HNRNPAB: variants seen among roughly 807,000 people sequenced by gnomAD.
HNRNPAB encodes ABBP-1.
Under a neutral mutation model 44.1 loss-of-function variants are expected in HNRNPAB, and 17 were observed. The ratio of observed to expected loss-of-function variants is 0.39; its 90% confidence interval spans 0.26 to 0.58. The LOEUF is 0.58. Among genes scored for constraint, HNRNPAB ranks in the 20% least tolerant of loss-of-function variants. The pLI is 0.63. For synonymous variants in HNRNPAB, 183 were observed against 167.6 expected (o/e 1.09, Z -0.71); for missense variants, 393 against 432.7 (o/e 0.91, Z 0.81).
chr5:178,204,933 T>C lies in HNRNPAB; in HGVS notation c.96T>C (p.Ala32=). ...AVPEGESPAG[A]GTGAAAGAGG... ...CCGAAGGCGAGTCGCCGGCCGGGGC[T>C]GGCACGGGCGCCGCGGCGGGGGCTG... Residue 32 remains alanine, a synonymous_variant, in exon 2 of 8, where the codon GCT becomes GCC. Coordinates refer to ENST00000358344, the MANE Select transcript of HNRNPAB (RefSeq NM_031266.3). 1 of 1,209,196 alleles carries C rather than the reference T, an allele frequency of 8.3e-7. No individual in the cohort carries two copies. The allele number at this position is 1,209,196 out of a possible 1,614,324, so 74.9% of individuals were successfully genotyped here.
intron 6 of HNRNPAB, 62 bp downstream of exon 6, chr5:178,209,509 T>A: frequency 7.1e-7 from 1 of 1,406,834 alleles, no homozygotes; most frequent in Non-Finnish European, 1.0e-6. Context: ...CTTCCAAGCC[T>A]GTCTTGGGGC....
chr5:178,210,394 C>G lies in HNRNPAB; in HGVS notation c.928+122C>G, dbSNP rs953624718. 1.2e-5 allele frequency: 19 copies of G among 1,565,720 alleles called. No individual in the cohort carries two copies. In the African/African-American group the frequency reaches 2.5e-4, roughly 20 times the overall value. On this transcript the variant is annotated intron_variant, in intron 7 of 7. Transcript: ENST00000358344. ...GACAGGCCTGGCTCAGCCATGGGAG[C>G]TACTTGATTTTGAGCCTTAGACTTC...
chr5:178,206,607 TG>T, intron 3 of HNRNPAB, 124 bp from the exon 4 acceptor site: 1 of 944,030 alleles, frequency 1.1e-6, no homozygotes. Context: ...GAGGTTAAGC[TG>T]GGGTAGAATT....
At chr5:178,210,085 C>T (rs778334843) in intron 6 of HNRNPAB, 47 bp from the exon 7 acceptor site, 59 of 1,604,500 alleles carry the variant, frequency 3.7e-5, no homozygotes, top group Middle Eastern at 1.7e-4. Context: ...CTAGCTCCTG[C>T]GTATGCTAAA....
In HNRNPAB at chr5:178,210,623, A is replaced by AG; in HGVS notation, c.*2dup. ...ATCAGAATAACTACAAGCCATACTG[A>AG]GGCGGCAGCAGGAGCGACCAACTGA... On this transcript the variant is annotated 3_prime_UTR_variant, in exon 8 of 8. Transcript: ENST00000358344. 2 of 1,613,124 alleles carry AG rather than the reference A, an allele frequency of 1.2e-6. No individual in the cohort carries two copies. The highest frequency in any genetic ancestry group is 1.7e-6 in the Non-Finnish European group (2 of 1,179,104).
At chr5:178,207,540 A>G (rs370285790) in intron 5 of HNRNPAB, among the ~76,000 whole-genome samples, 1 of 152,142 alleles carries the variant, frequency 6.6e-6, no homozygotes, top group East Asian at 1.9e-4. Flanking sequence ...TCTTGAGTCC[A>G]GGGGTATGAA....
At position 178,206,127 on chromosome 5, in the gene HNRNPAB, C is replaced by T. The variant is rs1757046765; in HGVS notation, c.378+117C>T. ...CTGCATGTGATTTAAGTGCTTTGGG[C>T]AAAACCCAAAGCCGGAGGTTATGTT... On this transcript the variant is annotated intron_variant, in intron 3 of 7. Coordinates refer to ENST00000358344, the MANE Select transcript of HNRNPAB (RefSeq NM_031266.3). 1.1e-4 allele frequency: 103 copies of T among 937,340 alleles called. 1 individual carries two copies. In the South Asian group the frequency reaches 1.7e-3, roughly 15 times the overall value. The allele number at this position is 937,340 out of a possible 1,614,324, so 58.1% of individuals were successfully genotyped here.
chr5:178,206,246 T>C (rs1757052506), intron 3 of HNRNPAB, among the ~76,000 whole-genome samples: 3 of 152,182 alleles, frequency 2.0e-5, no homozygotes, highest in African/African-American at 7.2e-5. Context: ...TTCATTACCT[T>C]TTATGTGCCT....
chr5:178,205,205 G>A (rs929427170), intron 2 of HNRNPAB, among the ~76,000 whole-genome samples, 159 bp downstream of exon 2: 4 of 150,734 alleles, frequency 2.7e-5, no homozygotes, highest in African/African-American at 9.7e-5. Context: ...GCCTGGCGCT[G>A]CCACTCGCGC....
intron 2 of HNRNPAB, 27 bp downstream of exon 2, chr5:178,205,073 G>A (rs958724769): frequency 4.8e-5 from 57 of 1,197,912 alleles, no homozygotes; most frequent in Non-Finnish European, 5.8e-5. Flanking sequence ...GCGGACGGGG[G>A]CGCCGCCTTT....
intron 2 of HNRNPAB, among the ~76,000 whole-genome samples, chr5:178,205,293 GGCCGGA>G: frequency 6.6e-6 from 1 of 151,422 alleles, no homozygotes; most frequent in African/African-American, 2.4e-5. Context: ...CCAGGGCCAG[GGCCGGA>G]GCCGGCGCAG....
Position 178,209,427 on chromosome 5 carries a change from G to T in HNRNPAB, c.767G>T (p.Gly256Val). The T allele has an allele frequency of 6.2e-7, 1 of 1,614,106 alleles. No homozygotes were observed. Among genetic ancestry groups the T allele is most frequent in the Non-Finnish European group, 8.5e-7 (1 of 1,180,002 alleles). The change falls in exon 6 of 8, where the codon GGA (glycine) becomes GTA (valine). Residue 256 changes from glycine to valine, a missense_variant. Transcript: ENST00000358344. ...GNRNRGNRGS[G>V]GGGGGGGQSQ... ...CGCAACCGAGGGAACCGAGGCAGCG[G>T]AGGTGGTGGTGGAGGTGGAGGTGAG...
At chr5:178,210,497 G>A (rs1029027978) in intron 7 of HNRNPAB, 56 bp from the exon 8 acceptor site, 34 of 1,559,034 alleles carry the variant, frequency 2.2e-5, no homozygotes, top group Admixed American at 1.7e-4. Flanking sequence ...TATCAAGCGC[G>A]TGGCACAGGG....
In HNRNPAB at chr5:178,210,357, G is replaced by C. The variant is rs116831266; in HGVS notation, c.928+85G>C. On this transcript the variant is annotated intron_variant, in intron 7 of 7. Transcript: ENST00000358344. ...AGTGTAGGAGCCACTGGCAGCAGGG[G>C]CTTTGGAGTCAGACAGGCCTGGCTC... The C allele has an allele frequency of 7.7e-3, 12,275 of 1,599,794 alleles. 225 individuals are homozygous for C. In the African/African-American group the frequency reaches 0.077, roughly 10 times the overall value.
chr5:178,210,457 C>A, intron 7 of HNRNPAB, 96 bp from the exon 8 acceptor site: 1 of 1,494,366 alleles, frequency 6.7e-7, no homozygotes, highest in South Asian at 1.1e-5. Flanking sequence ...TCTCTGCTGT[C>A]ACGGCTGGTG....
At position 178,205,860 on chromosome 5, in the gene HNRNPAB, C is replaced by T; in HGVS notation, c.228C>T (p.Gly76=). The T allele has an allele frequency of 6.2e-7, 1 of 1,613,604 alleles. No homozygotes were observed. The highest frequency in any genetic ancestry group is 8.5e-7 in the Non-Finnish European group (1 of 1,179,758). ...EEDAGKMFVG[G]LSWDTSKKDL... is the part of the protein sequence containing the mutation. The stretch of plus-strand genomic sequence containing the variant: ...ATTTCAGAAAAATGTTCGTTGGTGG[C>T]CTGAGCTGGGATACTAGCAAAAAAG... Residue 76 remains glycine (G), a synonymous_variant, in exon 3 of 8, where the codon GGC becomes GGT. Coordinates refer to ENST00000358344, the MANE Select transcript of HNRNPAB (RefSeq NM_031266.3).
intron 3 of HNRNPAB, 31 bp downstream of exon 3, chr5:178,206,041 A>G: frequency 6.3e-7 from 1 of 1,586,188 alleles, no homozygotes; most frequent in Non-Finnish European, 8.6e-7. Context: ...CAGCAGTCTC[A>G]GTGGAAACGA....
chr5:178,206,488 T>C (rs1054578651), intron 3 of HNRNPAB, among the ~76,000 whole-genome samples: 1 of 152,190 alleles, frequency 6.6e-6, no homozygotes, highest in Admixed American at 6.5e-5. Context: ...GGCCTCACGC[T>C]GGGACTGCTT....
In HNRNPAB at chr5:178,206,824, C is replaced by T. The variant is rs374870911; in HGVS notation, c.471C>T (p.Phe157=). 9.2e-5 allele frequency: 149 copies of T among 1,614,024 alleles called. No homozygotes were observed. The highest frequency in any genetic ancestry group is 1.1e-4 in the Non-Finnish European group (135 of 1,180,028). The change falls in exon 4 of 8, where the codon TTC becomes TTT. Residue 157 remains phenylalanine (F), a synonymous_variant. Coordinates refer to ENST00000358344, the MANE Select transcript of HNRNPAB (RefSeq NM_031266.3). ...AMKKDPVKKI[F]VGGLNPEATE... ...AGAAGGACCCGGTGAAGAAAATCTT[C>T]GTTGGGGGTCTGAATCCTGAAGCCA...
Sources: allele counts gnomAD v4.1 joint callset (sites outside exome capture counted in the v4.1 genomes callset), GRCh38; gene constraint gnomAD v4.1.1; transcripts MANE v1.5; gene names NCBI Gene and HGNC (gene_info 2026-07-23, HGNC 2026-07-21).